The following SYNRG variants were observed in gnomAD, a reference collection of about 807,000 sequenced individuals.
SYNRG encodes synergin gamma.
In SYNRG, 37 loss-of-function variants were observed where a neutral mutation model predicts 130.9. The observed-to-expected ratio is 0.28, with a 90% CI of 0.22 to 0.37. SYNRG has a LOEUF of 0.37. Ranked by LOEUF, SYNRG falls within the 10% of genes least tolerant of loss-of-function variation. The probability of loss-of-function intolerance (pLI) is 1.00; values close to 1 mark genes in which losing one functional copy is unlikely to be tolerated. For synonymous variants in SYNRG, 539 were observed against 568.1 expected (o/e 0.95, Z 0.73); for missense variants, 1,338 against 1,588.9 (o/e 0.84, Z 2.68).
At chr17:37,585,281 C>T in intron 5 of SYNRG, 44 bp downstream of exon 5, 1 of 1,488,794 alleles carries the variant, frequency 6.7e-7, no homozygotes, top group Non-Finnish European at 9.3e-7. Flanking sequence ...GAGGCACATT[C>T]AGGGTGTGTA....
intron 3 of SYNRG, among the ~76,000 whole-genome samples, chr17:37,594,375 A>C (rs1183893298): frequency 6.7e-6 from 1 of 148,806 alleles, no homozygotes; most frequent in Non-Finnish European, 1.5e-5. Flanking sequence ...TGTTATTAAG[A>C]TTCAGTATTA....
intron 19 of SYNRG, among the ~76,000 whole-genome samples, chr17:37,521,557 T>G (rs1387907171): frequency 6.6e-6 from 1 of 151,970 alleles, no homozygotes. Flanking sequence ...CCAAGGAAGA[T>G]AAGGAGCATC....
intron 15 of SYNRG, chr17:37,540,928 C>A: frequency 1.0e-6 from 1 of 997,196 alleles, no homozygotes; most frequent in South Asian, 4.6e-5. Flanking sequence ...GCCACCGCGC[C>A]CAGCCCACGA....
intron 3 of SYNRG, among the ~76,000 whole-genome samples, chr17:37,588,647 T>C (rs902468280): frequency 6.6e-6 from 1 of 152,198 alleles, no homozygotes; most frequent in African/African-American, 2.4e-5. Flanking sequence ...TTCTCTATTC[T>C]AAATCTTGGG....
chr17:37,573,604 G>A (rs1252389123), intron 8 of SYNRG, among the ~76,000 whole-genome samples: 3 of 152,088 alleles, frequency 2.0e-5, no homozygotes, highest in Admixed American at 6.5e-5. Context: ...TGTCTAACAG[G>A]CATTTGGAAG....
Position 37,577,526 on chromosome 17 carries a change from C to T in SYNRG, c.677G>A (p.Gly226Asp), listed in dbSNP as rs2060933225. Residue 226 changes from glycine (G) to aspartate (D), a missense_variant, in exon 7 of 22, where the codon GGC becomes GAC. By Grantham distance (94) the Gly-to-Asp change is moderately conservative. Transcript: ENST00000612223. ...GGAACCTGGGCCTAGGGCTTTGTGG[C>T]CAACTTCAGAAGTATTTAATTTAAT... ...EQIKLNTSEV[G>D]HKALGPGSSK... is the part of the protein sequence containing the mutation. 1.2e-6 allele frequency: 2 copies of T among 1,614,066 alleles called. No homozygotes were observed. The highest frequency in any genetic ancestry group is 1.1e-5 in the South Asian group (1 of 91,084).
chr17:37,602,421 TG>T (rs1209292616), intron 1 of SYNRG, among the ~76,000 whole-genome samples: 2 of 151,950 alleles, frequency 1.3e-5, no homozygotes, highest in African/African-American at 4.8e-5. Flanking sequence ...AGGACAAACT[TG>T]GAGAATTCTT....
intron 1 of SYNRG, among the ~76,000 whole-genome samples, chr17:37,602,898 C>T (rs1398475982): frequency 6.6e-6 from 1 of 152,060 alleles, no homozygotes; most frequent in Non-Finnish European, 1.5e-5. Context: ...GTGGCATGTG[C>T]CTGTAATCCC....
chr17:37,529,700 C>T (rs1487049915), intron 19 of SYNRG: 12 of 1,348,398 alleles, frequency 8.9e-6, no homozygotes, highest in Admixed American at 2.1e-5. Flanking sequence ...GAAGTAAACG[C>T]ACAGCAGCAA....
At chr17:37,565,071 C>G (rs1337651431) in intron 11 of SYNRG, among the ~76,000 whole-genome samples, 1 of 152,122 alleles carries the variant, frequency 6.6e-6, no homozygotes, top group Non-Finnish European at 1.5e-5. Context: ...CAAGACCAGC[C>G]TGGACAATAT....
intron 14 of SYNRG, among the ~76,000 whole-genome samples, chr17:37,549,204 CA>C (rs1333610384): frequency 1.4e-5 from 2 of 146,912 alleles, no homozygotes; most frequent in Non-Finnish European, 3.0e-5. Flanking sequence ...TAAAAAAGAA[CA>C]AAGAATTAAA....
intron 11 of SYNRG, among the ~76,000 whole-genome samples, chr17:37,564,809 T>C (rs2059800381): frequency 6.6e-6 from 1 of 152,274 alleles, no homozygotes; most frequent in African/African-American, 2.4e-5. Flanking sequence ...TATCAGATAA[T>C]TTAAATACCA....
chr17:37,577,444 T>C lies in SYNRG; in HGVS notation c.759A>G (p.Val253=). The C allele has an allele frequency of 6.2e-7, 1 of 1,614,210 alleles. No homozygotes were observed. The highest frequency in any genetic ancestry group is 8.5e-7 in the Non-Finnish European group (1 of 1,180,036). ...ASNGVAVDGC[V]SGTTTAEAEN... is the part of the protein sequence containing the mutation. The stretch of plus-strand genomic sequence containing the variant: ...CTGCCTCTGCAGTGGTGGTACCACT[T>C]ACACATCCATCTACAGCAACCCCGT... Residue 253 remains valine (V), a synonymous_variant, in exon 7 of 22, where the codon GTA becomes GTG. Coordinates refer to ENST00000612223, the MANE Select transcript of SYNRG (RefSeq NM_007247.6).
At chr17:37,570,970 C>A in intron 9 of SYNRG, 85 bp from the exon 10 acceptor site, 1 of 1,486,740 alleles carries the variant, frequency 6.7e-7, no homozygotes, top group Non-Finnish European at 9.0e-7. Flanking sequence ...GTAAAAAAAT[C>A]TGTAGCCTTT....
At chr17:37,562,363 T>C (rs2145700722) in intron 11 of SYNRG, among the ~76,000 whole-genome samples, 2 of 152,306 alleles carry the variant, frequency 1.3e-5, no homozygotes, top group Middle Eastern at 6.8e-3. Flanking sequence ...TTAGAAGGCT[T>C]AAACACATAC....
chr17:37,531,462 A>G (rs1363354912), intron 19 of SYNRG, among the ~76,000 whole-genome samples: 2 of 152,274 alleles, frequency 1.3e-5, no homozygotes, highest in East Asian at 3.9e-4. Flanking sequence ...AAAATGAAAA[A>G]ACTAAAAGAA....
chr17:37,600,430 A>G, intron 1 of SYNRG, 27 bp from the exon 2 acceptor site: 1 of 1,610,856 alleles, frequency 6.2e-7, no homozygotes, highest in Non-Finnish European at 8.5e-7. Context: ...AATACATTAT[A>G]ATCTTCGTAT....
At chr17:37,556,016 A>C (rs1249143394) in intron 13 of SYNRG, among the ~76,000 whole-genome samples, 1 of 152,226 alleles carries the variant, frequency 6.6e-6, no homozygotes, top group Non-Finnish European at 1.5e-5. Flanking sequence ...ATTAAAATAT[A>C]AGCTTTAATT....
At chr17:37,580,353 G>C (rs1451027236) in intron 6 of SYNRG, among the ~76,000 whole-genome samples, 1 of 150,476 alleles carries the variant, frequency 6.6e-6, no homozygotes, top group African/African-American at 2.4e-5. Flanking sequence ...AGAGTGCAAT[G>C]GCATGAGCTC....
Sources: allele counts gnomAD v4.1 joint callset (sites outside exome capture counted in the v4.1 genomes callset), GRCh38; gene constraint gnomAD v4.1.1; transcripts MANE v1.5; gene names NCBI Gene and HGNC (gene_info 2026-07-23, HGNC 2026-07-21).